DAB1: variants seen among roughly 807,000 people sequenced by gnomAD.
DAB1 encodes the protein disabled homolog 1.
Under a neutral mutation model 64.6 loss-of-function variants are expected in DAB1, and 15 were observed. The observed-to-expected ratio is 0.23, with a 90% CI of 0.16 to 0.36. The LOEUF (loss-of-function observed/expected upper bound fraction) is 0.36, where lower values mean the gene tolerates loss of function less well. DAB1 is among the 10% of genes least tolerant of loss of function. DAB1 has a pLI of 1.00. For missense variants in DAB1, 596 were observed against 706.7 expected (o/e 0.84, Z 1.78); for synonymous variants, 235 against 251.9 (o/e 0.93, Z 0.64).
intron 1 of DAB1, among the ~76,000 whole-genome samples, chr1:57,856,511 C>T (rs113770866): frequency 0.031 from 4,680 of 152,140 alleles, 232 homozygotes; most frequent in African/African-American, 0.11. Flanking sequence ...ACCTGTAATC[C>T]CAGCACTTTG....
intron 7 of DAB1, among the ~76,000 whole-genome samples, chr1:57,485,170 A>C (rs1258224723): frequency 6.5e-5 from 6 of 92,474 alleles, no homozygotes; most frequent in Non-Finnish European, 1.4e-4. Flanking sequence ...CATAGCATTG[A>C]AATGTCCTGC....
intron 2 of DAB1, among the ~76,000 whole-genome samples, chr1:57,290,641 G>T (rs1487929567): frequency 6.6e-6 from 1 of 152,014 alleles, no homozygotes; most frequent in Non-Finnish European, 1.5e-5. Flanking sequence ...CTTATCTGGA[G>T]AATAATGAAG....
intron 2 of DAB1, among the ~76,000 whole-genome samples, chr1:58,510,509 C>T (rs565773839): frequency 2.0e-5 from 3 of 152,188 alleles, no homozygotes; most frequent in African/African-American, 7.2e-5. Flanking sequence ...AAGCCCACAA[C>T]TAGCATCACA....
intron 2 of DAB1, among the ~76,000 whole-genome samples, chr1:58,509,487 C>T (rs1005218611): frequency 6.9e-6 from 1 of 144,832 alleles, no homozygotes; most frequent in African/African-American, 2.5e-5. Flanking sequence ...TGATGGGATA[C>T]AGCAAAGGCA....
intron 2 of DAB1, among the ~76,000 whole-genome samples, chr1:57,149,642 A>G (rs1406333495): frequency 6.6e-6 from 1 of 152,124 alleles, no homozygotes; most frequent in Non-Finnish European, 1.5e-5. Flanking sequence ...CTTTGGAGAA[A>G]TATCTATTCA....
chr1:57,148,187 C>A (rs1415525468), intron 2 of DAB1, among the ~76,000 whole-genome samples: 1 of 152,066 alleles, frequency 6.6e-6, no homozygotes. Context: ...TACAAAGAAG[C>A]CTTAAGAAAC....
rs143177458 is a variant in DAB1, at chr1:57,023,617, G to C, written c.809C>G (p.Ala270Gly). The C allele has an allele frequency of 1.2e-6, 2 of 1,611,804 alleles. No individual in the cohort carries two copies. Among genetic ancestry groups the C allele is most frequent in the Admixed American group, 1.7e-5 (1 of 59,828 alleles). Residue 270 changes from alanine to glycine, a missense_variant, in exon 11 of 15, where the codon GCC becomes GGC. Physicochemically the swap from Ala to Gly is moderately conservative, Grantham distance 60. Coordinates refer to ENST00000371236, the MANE Select transcript of DAB1 (RefSeq NM_001365792.1). ...SPPTPATPGD[A>G]FIPSSSQTLP... is the part of the protein sequence containing the mutation. ...GGTCTGAGATGAAGATGGGATAAAGGCATCACCTGGAGTTGCAGGAGTCTG... is the reference window on the plus strand; with the variant it reads ...GGTCTGAGATGAAGATGGGATAAAGCCATCACCTGGAGTTGCAGGAGTCTG...
At chr1:58,094,479 G>C (rs972159785) in intron 5 of DAB1, among the ~76,000 whole-genome samples, 6 of 152,208 alleles carry the variant, frequency 3.9e-5, no homozygotes, top group African/African-American at 1.4e-4. Flanking sequence ...GTGGCTTGCA[G>C]TTGCTAACCA....
At chr1:58,353,816 T>C (rs1468093832) in intron 3 of DAB1, among the ~76,000 whole-genome samples, 2 of 112,162 alleles carry the variant, frequency 1.8e-5, no homozygotes, top group African/African-American at 6.3e-5. Context: ...TTTTCTTGTT[T>C]AATAAAAAAA....
At chr1:58,158,698 C>G (rs1163173120) in intron 4 of DAB1, among the ~76,000 whole-genome samples, 1 of 152,186 alleles carries the variant, frequency 6.6e-6, no homozygotes, top group Non-Finnish European at 1.5e-5. Flanking sequence ...TGTCTGATTC[C>G]TTCATCAAAG....
intron 6 of DAB1, among the ~76,000 whole-genome samples, chr1:57,797,243 C>T (rs1343225672): frequency 6.6e-6 from 1 of 152,188 alleles, no homozygotes; most frequent in Non-Finnish European, 1.5e-5. Flanking sequence ...GATCCTCCTA[C>T]CACTAAGCTG....
intron 3 of DAB1, chr1:58,481,009 G>A (rs370772407): frequency 6.9e-6 from 6 of 870,754 alleles, no homozygotes; most frequent in Non-Finnish European, 1.2e-5. Context: ...AATGGTATTT[G>A]CTCCTGTTTT....
intron 5 of DAB1, chr1:58,074,543 T>TATATATATAC (rs1360215801): frequency 3.0e-4 from 29 of 95,890 alleles, no homozygotes; most frequent in African/African-American, 1.2e-3. Context: ...TATATATATA[T>TATATATATAC]ACACACATAT....
At chr1:57,660,861 C>G (rs1417683488) in intron 6 of DAB1, among the ~76,000 whole-genome samples, 1 of 152,218 alleles carries the variant, frequency 6.6e-6, no homozygotes, top group Non-Finnish European at 1.5e-5. Context: ...GAGGCCTTTA[C>G]TGTGACTGCA....
intron 1 of DAB1, among the ~76,000 whole-genome samples, chr1:57,852,081 C>T (rs1159580895): frequency 4.6e-5 from 7 of 152,338 alleles, no homozygotes; most frequent in Admixed American, 4.6e-4. Context: ...CCTGTCCCTT[C>T]CTCTTCTTTC....
rs1167372878 is a variant in DAB1, at chr1:57,015,441, T to A, written c.896-10A>T. ...CCCATTGCAACGTAACCTGGGAGAATGAAAAAGGAGAGTCAGGTGTTTCCC... is the reference window on the plus strand; with the variant it reads ...CCCATTGCAACGTAACCTGGGAGAAAGAAAAAGGAGAGTCAGGTGTTTCCC... On this transcript the variant is annotated splice_polypyrimidine_tract_variant and intron_variant, in intron 11 of 14. Transcript: ENST00000371236. 1 of 1,589,780 alleles carries A rather than the reference T, an allele frequency of 6.3e-7. No homozygotes were observed. The highest frequency in any genetic ancestry group is 1.1e-5 in the South Asian group (1 of 87,372).
chr1:57,568,575 T>G (rs146109798), intron 7 of DAB1, among the ~76,000 whole-genome samples: 4,154 of 151,782 alleles, frequency 0.027, 95 homozygotes, highest in Non-Finnish European at 0.042. Flanking sequence ...CAAACAAACT[T>G]ACAAGAAAAA....
upstream of DAB1, among the ~76,000 whole-genome samples, chr1:57,427,204 T>C (rs58955634): frequency 0.17 from 25,243 of 152,120 alleles, 2,296 homozygotes; most frequent in African/African-American, 0.24. Context: ...ATCAGTCACC[T>C]GGTAAACATT....
intron 1 of DAB1, chr1:57,865,162 C>T (rs1234225704): frequency 6.6e-6 from 1 of 152,100 alleles, no homozygotes; most frequent in African/African-American, 2.4e-5. Context: ...AAAAAGAAAC[C>T]AGAAAAGGCA....
Sources: gnomAD v4.1 joint callset for allele counts (sites outside exome capture counted in the v4.1 genomes callset) on GRCh38, gnomAD v4.1.1 for gene constraint, MANE v1.5 for transcripts, NCBI Gene and HGNC (gene_info 2026-07-23, HGNC 2026-07-21) for gene names.